ADRA1A: variants seen among roughly 807,000 people sequenced by gnomAD.
ADRA1A encodes the protein adrenoceptor alpha 1A.
A neutral mutation model predicts 29.6 loss-of-function variants in ADRA1A; 31 were observed. That is an observed-to-expected ratio of 1.05 (90% CI 0.79 to 1.41). The LOEUF (loss-of-function observed/expected upper bound fraction) is 1.41, where lower values mean the gene tolerates loss of function less well. Ranked by LOEUF, ADRA1A falls within the 40% of genes most tolerant of loss-of-function variation. The pLI is 0.00. For synonymous variants in ADRA1A, 311 were observed against 254.3 expected (o/e 1.22, Z -2.12); for missense variants, 619 against 601.1 (o/e 1.03, Z -0.31).
intron 2 of ADRA1A, among the ~76,000 whole-genome samples, chr8:26,813,051 C>A (rs920911733): frequency 6.6e-6 from 1 of 151,982 alleles, no homozygotes; most frequent in South Asian, 2.1e-4. Flanking sequence ...GCGCTATCGT[C>A]TAACTACAAT....
chr8:26,750,093 G>A (rs1432316441), intron 2 of ADRA1A, among the ~76,000 whole-genome samples: 1 of 152,202 alleles, frequency 6.6e-6, no homozygotes, highest in Non-Finnish European at 1.5e-5. Context: ...GCAAGGCATT[G>A]GCAGATTTGG....
chr8:26,828,551 A>T (rs1258948763), intron 2 of ADRA1A, among the ~76,000 whole-genome samples: 1 of 152,228 alleles, frequency 6.6e-6, no homozygotes, highest in African/African-American at 2.4e-5. Context: ...AGCTGGGGAA[A>T]GAAGGGAGGG....
chr8:26,840,308 C>T (rs919933809), intron 2 of ADRA1A, among the ~76,000 whole-genome samples: 12 of 152,038 alleles, frequency 7.9e-5, no homozygotes, highest in Admixed American at 4.6e-4. Context: ...GGGAAAGTAG[C>T]GGTTGGGTAG....
At chr8:26,840,660 T>C (rs1811755324) in intron 2 of ADRA1A, among the ~76,000 whole-genome samples, 1 of 152,138 alleles carries the variant, frequency 6.6e-6, no homozygotes, top group South Asian at 2.1e-4. Context: ...ATTATTACCT[T>C]CCCCATTAAA....
chr8:26,864,025 TA>T lies in ADRA1A; in HGVS notation c.883+61del. The T allele has an allele frequency of 6.6e-7, 1 of 1,521,708 alleles. No individual in the cohort carries two copies. The highest frequency in any genetic ancestry group is 8.9e-7 in the Non-Finnish European group (1 of 1,127,314). 94.3% of individuals were successfully genotyped at this position (1,521,708 alleles called of 1,614,324 possible). ...TCCATCCCGGACTGGGAGTCTGGGGTAACAGAAGCCGAGGAGGGTGAAGACC... is the reference window on the plus strand; with the variant it reads ...TCCATCCCGGACTGGGAGTCTGGGGTACAGAAGCCGAGGAGGGTGAAGACC... On this transcript the variant is annotated intron_variant, in intron 2 of 2. Coordinates refer to ENST00000380573, the MANE Select transcript of ADRA1A (RefSeq NM_000680.4). This position sits in a 1 kb window ranked among gnomAD's most constrained non-coding sequence, Gnocchi z 8.1.
intron 2 of ADRA1A, among the ~76,000 whole-genome samples, chr8:26,757,703 T>A (rs563493334): frequency 6.6e-6 from 1 of 152,330 alleles, no homozygotes; most frequent in East Asian, 1.9e-4. Context: ...GGTTTTGGCT[T>A]GTAAACATTT....
intron 2 of ADRA1A, among the ~76,000 whole-genome samples, chr8:26,773,248 G>T (rs1013502635): frequency 1.3e-5 from 2 of 152,242 alleles, no homozygotes; most frequent in African/African-American, 4.8e-5. Context: ...TAGGAGGATA[G>T]CTGATGGGGA....
intron 2 of ADRA1A, among the ~76,000 whole-genome samples, chr8:26,786,880 G>A (rs953469734): frequency 1.4e-5 from 2 of 138,236 alleles, no homozygotes; most frequent in Non-Finnish European, 3.1e-5. Context: ...CATAAAGATA[G>A]GATTTGTGCC....
intron 2 of ADRA1A, among the ~76,000 whole-genome samples, chr8:26,819,613 C>T (rs1810015408): frequency 6.6e-6 from 1 of 151,772 alleles, no homozygotes; most frequent in Non-Finnish European, 1.5e-5. Flanking sequence ...AAAGCAAAAA[C>T]CTTTAGTAGA....
rs1170105052 is a variant in ADRA1A at position 26,848,817 on chromosome 8, C to G, written c.883+15270G>C. Among the ~76,000 whole-genome samples the G allele has an allele frequency of 6.6e-6, 1 of 152,180 alleles. No individual in the cohort carries two copies. Among genetic ancestry groups the G allele is most frequent in the East Asian group, 1.9e-4 (1 of 5,182 alleles). Reference sequence around the variant, plus strand: ...ACTGAACTGTGTAGGGATTCTGTTACTGTCTCACTGCACAGTTGTCTTCCT... The same window carrying G: ...ACTGAACTGTGTAGGGATTCTGTTAGTGTCTCACTGCACAGTTGTCTTCCT... On this transcript the variant is annotated intron_variant, in intron 2 of 2. Coordinates refer to ENST00000380573, the MANE Select transcript of ADRA1A (RefSeq NM_000680.4). The surrounding 1 kb of genome is among the most constrained non-coding windows in gnomAD (Gnocchi z 4.3).
At chr8:26,862,656 C>T (rs1813567424) in intron 2 of ADRA1A, among the ~76,000 whole-genome samples, 1 of 152,114 alleles carries the variant, frequency 6.6e-6, no homozygotes, top group South Asian at 2.1e-4. Context: ...TGGGCAGGCA[C>T]AATGGAAGGC....
chr8:26,836,309 CCTCATTCCACT>C (rs1439375426), intron 2 of ADRA1A: 2 of 160,400 alleles, frequency 1.2e-5, no homozygotes, highest in Non-Finnish European at 2.8e-5. Flanking sequence ...CAACTTTGGA[CCTCATTCCACT>C]CTTTAATGAA....
At chr8:26,755,505 T>C (rs1460268816), downstream of ADRA1A, among the ~76,000 whole-genome samples, 2 of 152,140 alleles carry the variant, frequency 1.3e-5, no homozygotes, top group Non-Finnish European at 2.9e-5. Context: ...GCCCCGACAT[T>C]TGGGAGGAGG....
chr8:26,818,703 A>G (rs1281852780), intron 2 of ADRA1A, among the ~76,000 whole-genome samples: 1 of 152,186 alleles, frequency 6.6e-6, no homozygotes, highest in Non-Finnish European at 1.5e-5. Context: ...GAAATGAGGT[A>G]CAGAGCGTCA....
intron 2 of ADRA1A, among the ~76,000 whole-genome samples, chr8:26,809,831 A>C (rs1436815806): frequency 6.6e-6 from 1 of 152,220 alleles, no homozygotes; most frequent in Non-Finnish European, 1.5e-5. Flanking sequence ...CGAAGATAAA[A>C]GGGTTACAAT....
rs140381456 is a variant in ADRA1A, at chr8:26,757,859, G to GCACGCACACACA, written c.1270-1081_1270-1080insTGTGTGTGCGTG. On this transcript the variant is annotated intron_variant, in intron 2 of 2. Coordinates refer to the ADRA1A transcript ENST00000380582. ...CATAACATCATTTATATAAGCACAC[G>GCACGCACACACA]CACACACACAGGCAGACACTCACAC... 3.3e-3 allele frequency among the ~76,000 whole-genome samples: 498 copies of GCACGCACACACA among 151,396 alleles called. 1 individual carries two copies. The highest frequency in any genetic ancestry group is 0.012 in the African/African-American group (474 of 41,206).
chr8:26,761,432 C>A (rs948297036), downstream of ADRA1A, among the ~76,000 whole-genome samples: 1 of 152,084 alleles, frequency 6.6e-6, no homozygotes, highest in East Asian at 1.9e-4. Flanking sequence ...CTGTATTCGG[C>A]GATAGTGCCT....
In ADRA1A at chr8:26,769,680, G is replaced by T; in HGVS notation, c.*469C>A. The stretch of plus-strand genomic sequence containing the variant: ...TCTGGATCTCGGCCACCATCTTAAT[G>T]CTCTTCCTCTCTAGGCCCTCTCCCC... On this transcript the variant is annotated 3_prime_UTR_variant, in exon 3 of 3. Transcript: ENST00000380573. 2.0e-6 allele frequency: 2 copies of T among 985,900 alleles called. No individual in the cohort carries two copies. The highest frequency in any genetic ancestry group is 2.4e-6 in the Non-Finnish European group (2 of 830,522). The allele number at this position is 985,900 out of a possible 1,614,324, so 61.1% of individuals were successfully genotyped here.
intron 2 of ADRA1A, chr8:26,756,954 G>A: frequency 1.1e-5 from 11 of 957,710 alleles, no homozygotes; most frequent in Non-Finnish European, 1.7e-5. Flanking sequence ...CTCAAGTTGA[G>A]GATCCCTCTC....
Sources: allele counts gnomAD v4.1 joint callset (sites outside exome capture counted in the v4.1 genomes callset), GRCh38; gene constraint gnomAD v4.1.1; non-coding constraint Gnocchi (gnomAD v3.1); transcripts MANE v1.5; gene names NCBI Gene and HGNC (gene_info 2026-07-23, HGNC 2026-07-21).